L3MBTL4: variants seen among roughly 807,000 people sequenced by gnomAD.
L3MBTL4 encodes the protein lethal(3)malignant brain tumor-like protein 4.
A neutral mutation model predicts 84.5 loss-of-function variants in L3MBTL4; 70 were observed. The observed-to-expected ratio is 0.83, with a 90% CI of 0.68 to 1.01. The LOEUF (loss-of-function observed/expected upper bound fraction) is 1.01. Ranked by LOEUF, L3MBTL4 falls within the 50% of genes least tolerant of loss-of-function variation. L3MBTL4 has a pLI of 0.00. For synonymous variants in L3MBTL4, 274 were observed against 259.8 expected, an observed-to-expected ratio of 1.05 and a Z score of -0.52; for missense variants, 715 against 754.8, an observed-to-expected ratio of 0.95 and a Z score of 0.62.
In L3MBTL4 at chr18:6,243,342, G is replaced by A. The variant is rs1383876678; in HGVS notation, c.412C>T (p.Pro138Ser). 1.9e-6 allele frequency: 3 copies of A among 1,606,176 alleles called. No individual in the cohort carries two copies. The highest frequency in any genetic ancestry group is 2.5e-6 in the Non-Finnish European group (3 of 1,176,616). Residue 138 changes from proline (P) to serine (S), a missense_variant, in exon 7 of 19, where the codon CCA (proline) becomes TCA (serine). By Grantham distance (74) the Pro-to-Ser change is moderately conservative (BLOSUM62 -1). Transcript: ENST00000317931. Reference protein sequence around the residue: ...WTNAGSPDIHPVGWCEKTKHE... With the variant: ...WTNAGSPDIHSVGWCEKTKHE... The stretch of plus-strand genomic sequence containing the variant: ...TTGGTCTTTTCACACCATCCTACTG[G>A]ATGAATGTCAGGGGAACCAGCATTG...
chr18:6,074,143 C>G (rs2146024790), intron 16 of L3MBTL4, among the ~76,000 whole-genome samples: 1 of 152,272 alleles, frequency 6.6e-6, no homozygotes, highest in Non-Finnish European at 1.5e-5. Flanking sequence ...GTCATAACCC[C>G]TTTCTTCATT....
chr18:6,035,228 C>G (rs1211981697), intron 16 of L3MBTL4, among the ~76,000 whole-genome samples: 3 of 151,524 alleles, frequency 2.0e-5, no homozygotes, highest in African/African-American at 7.2e-5. Flanking sequence ...TTGCCCATGC[C>G]TATGTCCTGA....
At chr18:6,090,593 T>TACACACAC (rs71163260) in intron 15 of L3MBTL4, among the ~76,000 whole-genome samples, 2 of 86,776 alleles carry the variant, frequency 2.3e-5, no homozygotes, top group East Asian at 2.3e-4. Context: ...ATTATATATA[T>TACACACAC]ACACACACAC....
chr18:6,077,167 T>C (rs1445998643), intron 16 of L3MBTL4, among the ~76,000 whole-genome samples: 2 of 152,304 alleles, frequency 1.3e-5, no homozygotes, highest in Middle Eastern at 3.4e-3. Context: ...TCATGCATTA[T>C]TTTACTTCGC....
At chr18:6,093,600 C>A in intron 14 of L3MBTL4, 72 bp from the exon 15 acceptor site, 1 of 1,223,234 alleles carries the variant, frequency 8.2e-7, no homozygotes. Context: ...GTCATTAGAG[C>A]AGACTTACAC....
chr18:6,193,234 A>G (rs1235161687), intron 12 of L3MBTL4, among the ~76,000 whole-genome samples: 1 of 152,080 alleles, frequency 6.6e-6, no homozygotes, highest in African/African-American at 2.4e-5. Context: ...TACTAAAACC[A>G]CCAAGAATGA....
intron 14 of L3MBTL4, 91 bp from the exon 15 acceptor site, chr18:6,093,619 T>A: frequency 9.7e-7 from 1 of 1,028,588 alleles, no homozygotes; most frequent in Non-Finnish European, 1.3e-6. Flanking sequence ...ACCTAATATT[T>A]AAAAATTGCA....
intron 10 of L3MBTL4, among the ~76,000 whole-genome samples, chr18:6,226,942 A>C (rs1043390717): frequency 3.3e-5 from 5 of 152,182 alleles, no homozygotes; most frequent in African/African-American, 1.2e-4. Context: ...AAATATAAAT[A>C]TACAAATAGG....
intron 1 of L3MBTL4, among the ~76,000 whole-genome samples, chr18:6,351,741 C>CG (rs2053206093): frequency 6.6e-6 from 1 of 151,836 alleles, no homozygotes; most frequent in Non-Finnish European, 1.5e-5. Flanking sequence ...TTAGTAGAGA[C>CG]GGGGTTTCAC....
rs542984926 is a variant in L3MBTL4, at chr18:6,289,692, A to AC, written c.127+12210dup. ...ACTGGGATGACAACTCTCTACTTCAACTTTTTTTTTTCAGATCCTGTAACT... is the reference window on the plus strand; with the variant it reads ...ACTGGGATGACAACTCTCTACTTCAACCTTTTTTTTTTCAGATCCTGTAACT... On this transcript the variant is annotated intron_variant, in intron 4 of 18. Transcript: ENST00000317931. Among the ~76,000 whole-genome samples, 5 of 151,480 alleles carry AC rather than the reference A, an allele frequency of 3.3e-5. No individual in the cohort carries two copies. In the South Asian group the frequency reaches 1.0e-3, roughly 32 times the overall value.
chr18:6,095,323 T>C (rs1298940834), intron 14 of L3MBTL4, among the ~76,000 whole-genome samples: 1 of 150,670 alleles, frequency 6.6e-6, no homozygotes, highest in East Asian at 1.9e-4. Flanking sequence ...TTGGCACTAA[T>C]CAGGCTGAAG....
intron 13 of L3MBTL4, among the ~76,000 whole-genome samples, chr18:6,151,596 T>C (rs910941665): frequency 2.0e-5 from 3 of 152,130 alleles, no homozygotes; most frequent in Non-Finnish European, 4.4e-5. Context: ...GGTTTCACCA[T>C]GTTGTCCAGG....
rs2046554902 is a variant in L3MBTL4, at chr18:6,221,569, GAGCCTGTGTCTCCTGA to G, written c.785-5750_785-5735del. 2.6e-5 allele frequency among the ~76,000 whole-genome samples: 4 copies of G among 152,268 alleles called. No homozygotes were observed. The South Asian group carries it at 8.3e-4, about 32-fold the overall frequency. On this transcript the variant is annotated intron_variant, in intron 10 of 18. Transcript: ENST00000317931. Reference sequence around the variant, plus strand: ...GCAACTAACAACGAAGTCAAAGCTAGAGCCTGTGTCTCCTGACTTGCAATTTGTAGAAATCAAAACT... The same window carrying G: ...GCAACTAACAACGAAGTCAAAGCTAGCTTGCAATTTGTAGAAATCAAAACT...
At chr18:6,348,940 A>G (rs568053883) in intron 1 of L3MBTL4, among the ~76,000 whole-genome samples, 3 of 152,334 alleles carry the variant, frequency 2.0e-5, no homozygotes, top group Admixed American at 6.5e-5. Context: ...GCCAGTAAAC[A>G]TTTGAAAAGA....
intron 16 of L3MBTL4, chr18:6,032,385 TACACACACACAC>T (rs111595039): frequency 6.1e-5 from 21 of 346,924 alleles, no homozygotes; most frequent in Non-Finnish European, 8.0e-5. Context: ...TGAAATATGT[TACACACACACAC>T]ACACACACAC....
At position 6,298,715 on chromosome 18, in the gene L3MBTL4, A is replaced by G. The variant is rs893766488; in HGVS notation, c.127+3188T>C. Among the ~76,000 whole-genome samples, 4 of 152,152 alleles carry G rather than the reference A, an allele frequency of 2.6e-5. No homozygotes were observed. In the South Asian group the frequency reaches 6.2e-4, roughly 24 times the overall value. ...TGGTGAAACCCCATCTCTACTACAA[A>G]TACAAAAAATTAGCCAGGCGTGGTG... is the stretch of plus-strand genomic sequence containing the variant. On this transcript the variant is annotated intron_variant, in intron 4 of 18. Coordinates refer to ENST00000317931, the MANE Select transcript of L3MBTL4 (RefSeq NM_001330559.2).
At chr18:6,145,974 G>A (rs981815592) in intron 13 of L3MBTL4, among the ~76,000 whole-genome samples, 3 of 152,196 alleles carry the variant, frequency 2.0e-5, no homozygotes, top group Admixed American at 6.5e-5. Flanking sequence ...AGTGGGGGAC[G>A]TGGGGAGATT....
At chr18:6,026,471 AC>A (rs1412823728) in intron 16 of L3MBTL4, among the ~76,000 whole-genome samples, 1 of 152,248 alleles carries the variant, frequency 6.6e-6, no homozygotes, top group Non-Finnish European at 1.5e-5. Flanking sequence ...AAAGTGGTAG[AC>A]AATAAGCTGT....
chr18:6,033,729 C>T (rs967310630), intron 16 of L3MBTL4, among the ~76,000 whole-genome samples: 3 of 152,072 alleles, frequency 2.0e-5, no homozygotes, highest in African/African-American at 7.2e-5. Context: ...TAGCTGTTTT[C>T]TTTGTGGTTG....
Sources: allele counts gnomAD v4.1 joint callset (sites outside exome capture counted in the v4.1 genomes callset), GRCh38; gene constraint gnomAD v4.1.1; transcripts MANE v1.5; gene names NCBI Gene and HGNC (gene_info 2026-07-23, HGNC 2026-07-21).